DNAH12: variants seen among roughly 807,000 people sequenced by gnomAD.
The protein encoded by DNAH12 is axonemal beta dynein heavy chain 12.
DNAH12 carries 285 observed loss-of-function variants against 371.5 expected under a neutral mutation model. That is an observed-to-expected ratio of 0.77 (90% confidence interval 0.70 to 0.85). The LOEUF (loss-of-function observed/expected upper bound fraction) is 0.85. Among genes scored for constraint, DNAH12 ranks in the 40% least tolerant of loss-of-function variants. The probability of loss-of-function intolerance (pLI) is 0.00; values close to 1 mark genes in which losing one functional copy is unlikely to be tolerated. For synonymous variants in DNAH12, 1,200 were observed against 1,213.0 expected (o/e 0.99, Z 0.22); for missense variants, 3,611 against 3,689.4 (o/e 0.98, Z 0.55).
chr3:57,309,275 GA>G (rs2061538223), intron 68 of DNAH12, 21 bp from the exon 69 acceptor site: 1 of 1,512,566 alleles, frequency 6.6e-7, no homozygotes, highest in African/African-American at 1.4e-5. Flanking sequence ...AGATTTTGAA[GA>G]TCACAAATTA....
At chr3:57,327,531 A>G (rs2061979861) in intron 62 of DNAH12, among the ~76,000 whole-genome samples, 1 of 152,230 alleles carries the variant, frequency 6.6e-6, no homozygotes, top group African/African-American at 2.4e-5. Flanking sequence ...GACACAATAT[A>G]CCAGAATCTC....
chr3:57,538,264 A>G (rs1034940443), intron 2 of DNAH12, among the ~76,000 whole-genome samples: 6 of 73,534 alleles, frequency 8.2e-5, no homozygotes, highest in East Asian at 5.0e-4. Context: ...AACAAAACCA[A>G]TAATTCAAAA....
intron 60 of DNAH12, among the ~76,000 whole-genome samples, chr3:57,350,306 C>G (rs2062641723): frequency 6.6e-6 from 1 of 152,082 alleles, no homozygotes; most frequent in African/African-American, 2.4e-5. Context: ...AATTAAAGAA[C>G]AAGATGAAAC....
chr3:57,361,470 A>ATC (rs1553664366), intron 58 of DNAH12, among the ~76,000 whole-genome samples: 27 of 141,412 alleles, frequency 1.9e-4, no homozygotes, highest in Admixed American at 1.2e-3. Context: ...ATATATATAT[A>ATC]TCTCATTCAG....
rs56259991 is a variant in DNAH12, at chr3:57,491,099, A to AAAAC, written c.1336-1413_1336-1412insGTTT. On this transcript the variant is annotated intron_variant, in intron 11 of 73. Transcript: ENST00000495027. ...TCTATCTCAAAAAAAAAAAAAAAAA[A>AAAAC]AACAACAAATAAAGGGTAGACAGAA... 3.7e-3 allele frequency among the ~76,000 whole-genome samples: 417 copies of AAAAC among 112,728 alleles called. 13 individuals are homozygous for AAAAC. Among genetic ancestry groups the AAAAC allele is most frequent in the African/African-American group, 7.6e-3 (217 of 28,672 alleles). 74.0% of individuals were successfully genotyped at this position (112,728 alleles called of 152,430 possible). A position where few individuals can be genotyped will look rare whatever the true frequency, so the allele number is the denominator to read the frequency against.
intron 11 of DNAH12, among the ~76,000 whole-genome samples, chr3:57,499,673 T>TATATATATATATATATATATATAC (rs771112538): frequency 9.0e-5 from 4 of 44,462 alleles, no homozygotes; most frequent in African/African-American, 3.6e-4. Context: ...TATATATATA[T>TATATATATATATATATATATATAC]ATACTTCTTA....
chr3:57,502,347 C>T lies in DNAH12; in HGVS notation c.1219G>A (p.Ala407Thr), dbSNP rs2067580434. 2 of 1,613,968 alleles carry T rather than the reference C, an allele frequency of 1.2e-6. No individual in the cohort carries two copies. The highest frequency in any genetic ancestry group is 1.7e-5 in the Admixed American group (1 of 59,976). Residue 407 changes from alanine to threonine, a missense_variant, in exon 10 of 74, where the codon GCA becomes ACA. Physicochemically the swap from Ala to Thr is moderately conservative, Grantham distance 58 (BLOSUM62 0). This residue lies in a region of DNAH12 where 1,314 missense variants were observed against 1,398.7 expected (regional missense o/e 0.94). Transcript: ENST00000495027. ...KAAVHRNLEG[A>T]RKHYETYVEK... The stretch of plus-strand genomic sequence containing the variant: ...CCATATGTCTCATAATGCTTTCTTG[C>T]ACCTTCTAAGTTCCGATGTACTGCT...
the DNAH12 span, among the ~76,000 whole-genome samples, chr3:57,550,316 T>G: frequency 6.6e-6 from 1 of 152,072 alleles, no homozygotes; most frequent in Admixed American, 6.6e-5. Context: ...ACCCTGCTTT[T>G]AAAAACAAAA....
intron 60 of DNAH12, 43 bp downstream of exon 60, chr3:57,352,042 G>C (rs1366733901): frequency 6.8e-7 from 1 of 1,469,252 alleles, no homozygotes; most frequent in African/African-American, 1.5e-5. Flanking sequence ...TTTCCAGGGA[G>C]GTTTTAAAAA....
At chr3:57,404,253 G>GTGACTCTCA (rs1373656908) in intron 42 of DNAH12, among the ~76,000 whole-genome samples, 137 of 152,178 alleles carry the variant, frequency 9.0e-4, no homozygotes, top group African/African-American at 3.3e-3. Flanking sequence ...ATAATAGAAT[G>GTGACTCTCA]CAATATAGTG....
Position 57,302,317 on chromosome 3 carries a change from A to G in DNAH12, c.11190-378T>C, listed in dbSNP as rs775037770. Among the ~76,000 whole-genome samples the G allele has an allele frequency of 2.0e-5, 3 of 151,838 alleles. No individual in the cohort carries two copies. The South Asian group carries it at 6.2e-4, about 32-fold the overall frequency. On this transcript the variant is annotated intron_variant, in intron 69 of 73. Transcript: ENST00000495027. ...AATGATGTCGTGCAATGGCTGAAAC[A>G]AACACTGCATGAAAACATAAATTGT...
rs181827884 is a variant in DNAH12 at position 57,424,525 on chromosome 3, C to A, written c.5373+497G>T. ...AGGCGCGGTGGCTCACGCCAGTAAT[C>A]CCAGCACTTTGGGAGGCCGATGCGG... is the stretch of plus-strand genomic sequence containing the variant. On this transcript the variant is annotated intron_variant, in intron 35 of 73. Coordinates refer to ENST00000495027, the MANE Select transcript of DNAH12 (RefSeq NM_001366028.2). Among the ~76,000 whole-genome samples the A allele has an allele frequency of 3.5e-4, 53 of 150,460 alleles. No homozygotes were observed. In the East Asian group the frequency reaches 5.5e-3, roughly 16 times the overall value.
chr3:57,445,046 C>A, intron 28 of DNAH12, 128 bp downstream of exon 28: 2 of 1,224,824 alleles, frequency 1.6e-6, no homozygotes, highest in Non-Finnish European at 2.2e-6. Flanking sequence ...AAAAAACCAT[C>A]ATTTCAACCT....
chr3:57,424,877 A>C (rs2153363155), intron 35 of DNAH12, 145 bp downstream of exon 35: 2 of 502,680 alleles, frequency 4.0e-6, no homozygotes, highest in Middle Eastern at 5.3e-4. Context: ...ACCAGGTGTT[A>C]GGGCAACTTT....
At chr3:57,459,911 T>G (rs1277194308) in intron 19 of DNAH12, 125 bp from the exon 20 acceptor site, 1 of 859,436 alleles carries the variant, frequency 1.2e-6, no homozygotes, top group Non-Finnish European at 1.6e-6. Flanking sequence ...CAGCTTAAGG[T>G]TACTTATGTA....
At chr3:57,480,643 T>C (rs1394372115) in intron 13 of DNAH12, among the ~76,000 whole-genome samples, 2 of 152,082 alleles carry the variant, frequency 1.3e-5, no homozygotes, top group Non-Finnish European at 2.9e-5. Context: ...CCAATATCCC[T>C]GATGAACGTC....
At chr3:57,496,003 AAG>A (rs1254672150) in intron 11 of DNAH12, among the ~76,000 whole-genome samples, 1 of 147,272 alleles carries the variant, frequency 6.8e-6, no homozygotes, top group Non-Finnish European at 1.5e-5. Flanking sequence ...ATATATATAT[AAG>A]ATCAGGGACT....
At chr3:57,356,711 C>CT (rs1282456676) in intron 59 of DNAH12, among the ~76,000 whole-genome samples, 1 of 151,810 alleles carries the variant, frequency 6.6e-6, no homozygotes, top group Non-Finnish European at 1.5e-5. Context: ...TCTTTCATGT[C>CT]TTTTTTTCTT....
intron 13 of DNAH12, among the ~76,000 whole-genome samples, chr3:57,478,978 T>C (rs151049525): frequency 1.3e-5 from 2 of 152,202 alleles, no homozygotes; most frequent in East Asian, 3.9e-4. Flanking sequence ...ACGTGCCAAA[T>C]TGTAAAGACC....
Sources: allele counts gnomAD v4.1 joint callset (sites outside exome capture counted in the v4.1 genomes callset), GRCh38; gene constraint gnomAD v4.1.1; regional missense constraint gnomAD v4.1.1; transcripts MANE v1.5; gene names NCBI Gene and HGNC (gene_info 2026-07-23, HGNC 2026-07-21).